Variants in SH3D21 observed in about 807,000 individuals in gnomAD.
The protein encoded by SH3D21 is manchette microtubule inner protein 1, also known as SH3 domain-containing protein 21.
Under a neutral mutation model 82.1 loss-of-function variants are expected in SH3D21, and 83 were observed. That is an observed-to-expected ratio of 1.01 (90% CI 0.85 to 1.21). The LOEUF (loss-of-function observed/expected upper bound fraction) is 1.21, where lower values mean the gene tolerates loss of function less well. SH3D21 is among the 50% of genes most tolerant of loss of function. The probability of loss-of-function intolerance (pLI) is 0.00; values close to 1 mark genes in which losing one functional copy is unlikely to be tolerated. For missense variants in SH3D21, 980 were observed against 962.1 expected (o/e 1.02, Z -0.25); for synonymous variants, 383 against 387.8 (o/e 0.99, Z 0.15).
chr1:36,313,034 A>G (rs1646271172), intron 10 of SH3D21, among the ~76,000 whole-genome samples: 1 of 151,028 alleles, frequency 6.6e-6, no homozygotes, highest in Admixed American at 6.6e-5. Flanking sequence ...CTTATATAAG[A>G]TGGGAATGGG....
intron 10 of SH3D21, among the ~76,000 whole-genome samples, chr1:36,313,356 A>AATAAATAAATAAATAT (rs1646277819): frequency 6.6e-6 from 1 of 151,618 alleles, no homozygotes; most frequent in Admixed American, 6.6e-5. Context: ...TAAATAAATA[A>AATAAATAAATAAATAT]GATGGGAATC....
chr1:36,320,205 G>T lies in SH3D21; in HGVS notation c.1542G>T (p.Lys514Asn), dbSNP rs1364224390. The T allele has an allele frequency of 1.2e-6, 2 of 1,613,242 alleles. No homozygotes were observed. The highest frequency in any genetic ancestry group is 8.5e-7 in the Non-Finnish European group (1 of 1,180,034). ...TCTCTTCGGAGGAAGCCCTGCAGAA[G>T]GTCAAGTACTTTGTAGCCAAAGAGG... ...HHFSSEEALQ[K>N]VKYFVAKEDP... Residue 514 changes from lysine to asparagine, a missense_variant, in exon 14 of 16, where the codon AAG becomes AAT. Coordinates refer to ENST00000453908, the MANE Select transcript of SH3D21 (RefSeq NM_001162530.2).
downstream of SH3D21, among the ~76,000 whole-genome samples, chr1:36,325,350 G>A (rs535636143): frequency 4.6e-5 from 7 of 152,162 alleles, no homozygotes; most frequent in South Asian, 2.1e-4. Flanking sequence ...TTTTCATAGC[G>A]GTTACATTAT....
At chr1:36,321,531 C>T (rs911840552), downstream of SH3D21, 2 of 761,756 alleles carry the variant, frequency 2.6e-6, no homozygotes, top group Non-Finnish European at 3.4e-6. The surrounding 1 kb of genome is among the most constrained non-coding windows in gnomAD (Gnocchi z 6.1). Context: ...CCGGGCGGGC[C>T]TTCTCGCCAG....
chr1:36,322,149 G>A (rs1263968580), downstream of SH3D21: 2 of 1,356,376 alleles, frequency 1.5e-6, no homozygotes, highest in Admixed American at 6.6e-5. Context: ...GCAGGACTGG[G>A]GAAGGGAGCC....
chr1:36,309,465 T>G, intron 9 of SH3D21, 83 bp from the exon 10 acceptor site: 1 of 1,478,964 alleles, frequency 6.8e-7, no homozygotes, highest in Non-Finnish European at 9.2e-7. Flanking sequence ...GGATTATAGG[T>G]GTGAGCCACC....
intron 10 of SH3D21, among the ~76,000 whole-genome samples, chr1:36,317,652 C>G (rs1162100550): frequency 6.6e-6 from 1 of 152,182 alleles, no homozygotes; most frequent in Non-Finnish European, 1.5e-5. Flanking sequence ...AACCTCTGCC[C>G]TCCCAGGTTC....
At position 36,306,924 on chromosome 1, in the gene SH3D21, A is replaced by T. The variant is rs774381691; in HGVS notation, c.226+19A>T. 7.6e-7 allele frequency: 1 copy of T among 1,320,728 alleles called. No homozygotes were observed. The highest frequency in any genetic ancestry group is 9.8e-7 in the Non-Finnish European group (1 of 1,018,066). The allele number at this position is 1,320,728 out of a possible 1,614,324, so 81.8% of individuals were successfully genotyped here. A position where few individuals can be genotyped will look rare whatever the true frequency, so the allele number is the denominator to read the frequency against. On this transcript the variant is annotated intron_variant, in intron 3 of 15. Transcript: ENST00000453908. This position sits in a 1 kb window ranked among gnomAD's most constrained non-coding sequence, Gnocchi z 4.5. Reference sequence around the variant, plus strand: ...CGCCGAGGTGAGCGCAAGGGCGGGGACGGGCGCCGGTGGGCGGGTGCACGG... The same window carrying T: ...CGCCGAGGTGAGCGCAAGGGCGGGGTCGGGCGCCGGTGGGCGGGTGCACGG...
Position 36,308,362 on chromosome 1 carries a change from C to T in SH3D21, c.640-27C>T, listed in dbSNP as rs536307242. ...AAGGACCTTGGGGGACCTGGCTCAC[C>T]TCCCCACTGGCGTGTTTCTTTTCCA... On this transcript the variant is annotated intron_variant, in intron 8 of 15. Coordinates refer to ENST00000453908, the MANE Select transcript of SH3D21 (RefSeq NM_001162530.2). 29 of 1,547,020 alleles carry T rather than the reference C, an allele frequency of 1.9e-5. No homozygotes were observed. The African/African-American group carries it at 2.9e-4, about 15-fold the overall frequency.
chr1:36,323,189 A>C, downstream of SH3D21: 1 of 806,294 alleles, frequency 1.2e-6, no homozygotes, highest in Non-Finnish European at 1.9e-6. Flanking sequence ...GCGCTTCCCT[A>C]ACTTCGTGGC....
At chr1:36,322,003 G>A (rs1646471585), downstream of SH3D21, 3 of 1,227,508 alleles carry the variant, frequency 2.4e-6, no homozygotes, top group Admixed American at 4.1e-5. Flanking sequence ...GTCGCTGGGG[G>A]CAGGAGTAAC....
At chr1:36,311,692 G>A (rs1557475737) in intron 10 of SH3D21, among the ~76,000 whole-genome samples, 1 of 151,970 alleles carries the variant, frequency 6.6e-6, no homozygotes, top group Admixed American at 6.6e-5. Flanking sequence ...TACAATTTGG[G>A]GGGTTTCTTT....
downstream of SH3D21, chr1:36,324,367 G>C (rs1039560156): frequency 4.0e-5 from 6 of 151,718 alleles, no homozygotes; most frequent in African/African-American, 1.4e-4. Context: ...ACCTGCCTGT[G>C]CTCACACACG....
downstream of SH3D21, chr1:36,321,589 G>A (rs1646464735): frequency 1.2e-6 from 1 of 866,650 alleles, no homozygotes; most frequent in Non-Finnish European, 1.4e-6. This position sits in a 1 kb window ranked among gnomAD's most constrained non-coding sequence, Gnocchi z 6.1. Context: ...AGGGACTCCT[G>A]CCCTCTCGCT....
chr1:36,325,022 T>C (rs1003766771), downstream of SH3D21: 2 of 152,236 alleles, frequency 1.3e-5, no homozygotes, highest in Non-Finnish European at 2.9e-5. Flanking sequence ...CATTATTTCC[T>C]AAACAATAGA....
downstream of SH3D21, chr1:36,321,777 C>T (rs1190113425): frequency 1.4e-5 from 14 of 1,000,550 alleles, no homozygotes; most frequent in Non-Finnish European, 1.2e-6. The surrounding 1 kb of genome is among the most constrained non-coding windows in gnomAD (Gnocchi z 6.1). Context: ...AGGCGTTTGC[C>T]GGTAAGGAAT....
chr1:36,321,972 C>T, downstream of SH3D21: 1 of 1,172,032 alleles, frequency 8.5e-7, no homozygotes, highest in Non-Finnish European at 1.1e-6. This position sits in a 1 kb window ranked among gnomAD's most constrained non-coding sequence, Gnocchi z 6.1. Context: ...CCTGGGGCCC[C>T]TGCGTGGCAG....
chr1:36,309,497 T>C, intron 9 of SH3D21, 51 bp from the exon 10 acceptor site: 1 of 1,548,832 alleles, frequency 6.5e-7, no homozygotes, highest in East Asian at 2.4e-5. Flanking sequence ...GCATTTTGGA[T>C]TTCTGATTTT....
chr1:36,317,689 G>T (rs1333988871), intron 10 of SH3D21, among the ~76,000 whole-genome samples: 1 of 152,068 alleles, frequency 6.6e-6, no homozygotes, highest in African/African-American at 2.4e-5. Flanking sequence ...TCAGCCTCCG[G>T]AGTAGCTGGG....
Sources: allele counts gnomAD v4.1 joint callset (sites outside exome capture counted in the v4.1 genomes callset), GRCh38; gene constraint gnomAD v4.1.1; non-coding constraint Gnocchi (gnomAD v3.1); transcripts MANE v1.5; gene names NCBI Gene and HGNC (gene_info 2026-07-23, HGNC 2026-07-21).